PPARGC1A: variants seen among roughly 807,000 people sequenced by gnomAD.
PPARGC1A encodes the protein peroxisome proliferator-activated receptor gamma coactivator 1-alpha.
PPARGC1A carries 25 observed loss-of-function variants against 88.7 expected under a neutral mutation model. That is an observed-to-expected ratio of 0.28 (90% CI 0.21 to 0.39). The LOEUF (loss-of-function observed/expected upper bound fraction) is 0.39. Ranked by LOEUF, PPARGC1A falls within the 10% of genes least tolerant of loss-of-function variation. The pLI is 1.00. For missense variants in PPARGC1A, 880 were observed against 968.7 expected (o/e 0.91, Z 1.22); for synonymous variants, 363 against 355.6 (o/e 1.02, Z -0.24).
At chr4:24,461,520 A>G in the PPARGC1A span, among the ~76,000 whole-genome samples, 19 of 152,278 alleles carry the variant, frequency 1.2e-4, no homozygotes, top group East Asian at 5.8e-4. Context: ...TGACGTGTGT[A>G]TGGATATGGA....
upstream of PPARGC1A, among the ~76,000 whole-genome samples, chr4:23,890,405 A>G (rs941241261): frequency 6.6e-6 from 1 of 152,028 alleles, no homozygotes; most frequent in African/African-American, 2.4e-5. Context: ...TTCCAAAACA[A>G]GCAAGTGGCA....
In PPARGC1A at chr4:23,801,984, C is replaced by T. The variant is rs181510980; in HGVS notation, c.2142-103G>A. ...GACTTCTCCAGTGCCAACGTCTGAG[C>T]CACTGAATCCATTTATCAGTGTGAT... is the stretch of plus-strand genomic sequence containing the variant. On this transcript the variant is annotated intron_variant, in intron 11 of 12. Transcript: ENST00000264867. 220 of 1,405,292 alleles carry T rather than the reference C, an allele frequency of 1.6e-4. 4 individuals carry two copies. In the East Asian group the frequency reaches 2.1e-3, roughly 13 times the overall value. The allele number at this position is 1,405,292 out of a possible 1,614,324, so 87.1% of individuals were successfully genotyped here.
the PPARGC1A span, among the ~76,000 whole-genome samples, chr4:24,253,329 G>A: frequency 1.2e-4 from 18 of 152,092 alleles, no homozygotes; most frequent in African/African-American, 2.4e-5. Context: ...CCTATTTAAC[G>A]TTATGAGCAC....
At chr4:24,314,577 C>G in the PPARGC1A span, among the ~76,000 whole-genome samples, 1 of 152,088 alleles carries the variant, frequency 6.6e-6, no homozygotes, top group African/African-American at 2.4e-5. Context: ...GTCATAGCAG[C>G]ACAAATGGAC....
At chr4:24,215,365 T>C in the PPARGC1A span, among the ~76,000 whole-genome samples, 1 of 152,218 alleles carries the variant, frequency 6.6e-6, no homozygotes, top group African/African-American at 2.4e-5. Context: ...CGAGCTGACC[T>C]TCACTGATTG....
chr4:24,313,269 G>A, the PPARGC1A span, among the ~76,000 whole-genome samples: 1 of 152,236 alleles, frequency 6.6e-6, no homozygotes, highest in East Asian at 1.9e-4. Context: ...GGAGAATAAG[G>A]CAATAATGGG....
At chr4:24,101,860 G>T in the PPARGC1A span, among the ~76,000 whole-genome samples, 1 of 152,166 alleles carries the variant, frequency 6.6e-6, no homozygotes, top group Non-Finnish European at 1.5e-5. Flanking sequence ...GCTAAGAATG[G>T]TGCTAGGTAC....
At chr4:23,953,735 G>A in the PPARGC1A span, among the ~76,000 whole-genome samples, 1 of 151,928 alleles carries the variant, frequency 6.6e-6, no homozygotes, top group Non-Finnish European at 1.5e-5. Flanking sequence ...GGGAACAAAA[G>A]AAATAGTAAC....
At chr4:24,440,310 TG>T in the PPARGC1A span, among the ~76,000 whole-genome samples, 1 of 152,272 alleles carries the variant, frequency 6.6e-6, no homozygotes, top group Non-Finnish European at 1.5e-5. Flanking sequence ...AGGAGACATT[TG>T]TTGAATTTTT....
the PPARGC1A span, among the ~76,000 whole-genome samples, chr4:23,971,680 G>A: frequency 6.6e-6 from 1 of 152,308 alleles, no homozygotes; most frequent in South Asian, 2.1e-4. Flanking sequence ...ATTAGGTGGA[G>A]CCCTCCCAGA....
chr4:24,308,027 C>T, the PPARGC1A span, among the ~76,000 whole-genome samples: 1 of 152,110 alleles, frequency 6.6e-6, no homozygotes, highest in Non-Finnish European at 1.5e-5. Flanking sequence ...TGCGGTGGCT[C>T]ATGCCTGTAA....
chr4:23,853,311 A>C (rs1053215629), intron 2 of PPARGC1A, among the ~76,000 whole-genome samples: 5 of 152,168 alleles, frequency 3.3e-5, no homozygotes, highest in Admixed American at 2.0e-4. Flanking sequence ...ACAGAAAATA[A>C]AGCATAAAAC....
the PPARGC1A span, among the ~76,000 whole-genome samples, chr4:24,109,681 A>T: frequency 6.6e-6 from 1 of 152,142 alleles, no homozygotes; most frequent in South Asian, 2.1e-4. Context: ...TGATCCCTAC[A>T]ATCGACCTTG....
chr4:24,472,663 TGCCGCC>T, the PPARGC1A span, among the ~76,000 whole-genome samples: 26 of 151,606 alleles, frequency 1.7e-4, no homozygotes, highest in East Asian at 3.9e-4. The surrounding 1 kb of genome is among the most constrained non-coding windows in gnomAD (Gnocchi z 4.5). Flanking sequence ...ATGCTCGGGC[TGCCGCC>T]GCCGCCGCCG....
rs779074025 is a variant in PPARGC1A at position 23,828,387 on chromosome 4, G to A, written c.757+13C>T. 1.9e-6 allele frequency: 3 copies of A among 1,609,388 alleles called. No individual in the cohort carries two copies. The Admixed American group carries it at 5.0e-5, about 27-fold the overall frequency. ...GTGCCCTCACCAACAGCTCGTTTTGGTCCCCAGCCTACCTTGTAAGTGTTG... is the reference window on the plus strand; with the variant it reads ...GTGCCCTCACCAACAGCTCGTTTTGATCCCCAGCCTACCTTGTAAGTGTTG... On this transcript the variant is annotated intron_variant, in intron 5 of 12. Transcript: ENST00000264867.
At chr4:23,863,423 T>C (rs1039340380) in intron 2 of PPARGC1A, among the ~76,000 whole-genome samples, 3 of 152,152 alleles carry the variant, frequency 2.0e-5, no homozygotes, top group Non-Finnish European at 4.4e-5. Context: ...AGTTTCTCCA[T>C]TGTGAAATGA....
chr4:23,813,175 C>G (rs1419488416), intron 8 of PPARGC1A, 50 bp from the exon 9 acceptor site: 2 of 1,497,394 alleles, frequency 1.3e-6, no homozygotes, highest in African/African-American at 2.8e-5. Flanking sequence ...GCCACTTAAC[C>G]CAAGTTTATC....
the PPARGC1A span, among the ~76,000 whole-genome samples, chr4:24,165,052 T>A: frequency 1.6e-4 from 25 of 152,192 alleles, no homozygotes; most frequent in Admixed American, 1.6e-3. Context: ...ATGTATGACC[T>A]ATCTGACTCC....
At chr4:23,797,608 TA>T (rs1219306282) in intron 12 of PPARGC1A, among the ~76,000 whole-genome samples, 1 of 152,210 alleles carries the variant, frequency 6.6e-6, no homozygotes, top group African/African-American at 2.4e-5. Context: ...AGCAAATATT[TA>T]AAAAAATTGT....
Sources: gnomAD v4.1 joint callset for allele counts (sites outside exome capture counted in the v4.1 genomes callset) on GRCh38, gnomAD v4.1.1 for gene constraint, Gnocchi (gnomAD v3.1) non-coding constraint, MANE v1.5 for transcripts, NCBI Gene and HGNC (gene_info 2026-07-23, HGNC 2026-07-21) for gene names.